Variants in MGMT observed in about 807,000 individuals in gnomAD.
MGMT encodes the protein O-6-methylguanine-DNA methyltransferase.
In MGMT, 14 loss-of-function variants were observed where a neutral mutation model predicts 15.9. That is an observed-to-expected ratio of 0.88 (90% CI 0.58 to 1.37). The LOEUF is 1.37. Among genes scored for constraint, MGMT ranks in the 40% most tolerant of loss-of-function variants. MGMT has a pLI of 0.00. For synonymous variants in MGMT, 130 were observed against 118.2 expected (o/e 1.10, Z -0.65); for missense variants, 282 against 268.1 (o/e 1.05, Z -0.36).
At chr10:129,531,103 G>A (rs1290918406) in intron 1 of MGMT, among the ~76,000 whole-genome samples, 7 of 152,208 alleles carry the variant, frequency 4.6e-5, no homozygotes, top group South Asian at 2.1e-4. Flanking sequence ...CCTTCCCAGC[G>A]TCCCTCCTGG....
intron 2 of MGMT, among the ~76,000 whole-genome samples, chr10:129,665,871 G>T (rs1203515698): frequency 6.6e-6 from 1 of 152,218 alleles, no homozygotes; most frequent in Non-Finnish European, 1.5e-5. Flanking sequence ...CAGGGAAAGT[G>T]TATTGTGGGA....
At chr10:129,724,073 G>A (rs1276365941) in intron 3 of MGMT, among the ~76,000 whole-genome samples, 1 of 152,210 alleles carries the variant, frequency 6.6e-6, no homozygotes, top group Non-Finnish European at 1.5e-5. Flanking sequence ...ATTCAAGAGT[G>A]TTCACAGCAG....
At chr10:129,629,061 C>T (rs1260349449) in intron 2 of MGMT, among the ~76,000 whole-genome samples, 1 of 151,848 alleles carries the variant, frequency 6.6e-6, no homozygotes, top group African/African-American at 2.4e-5. Context: ...GCCCTGCATG[C>T]AGCCTTCCCA....
chr10:129,754,667 A>C (rs986168521), intron 3 of MGMT, among the ~76,000 whole-genome samples: 2 of 152,246 alleles, frequency 1.3e-5, no homozygotes, highest in African/African-American at 4.8e-5. Flanking sequence ...GAGAAGTCCA[A>C]GAGCATGACG....
Position 129,667,928 on chromosome 10 carries a change from C to T in MGMT, c.126-39967C>T, listed in dbSNP as rs986078759. On this transcript the variant is annotated intron_variant, in intron 2 of 4. Transcript: ENST00000651593. ...AAAGTATTTGTACAGGACTTTCACC[C>T]ATTCTCTTATTGTGTTGCCTTATAT... Among the ~76,000 whole-genome samples, 6 of 152,172 alleles carry T rather than the reference C, an allele frequency of 3.9e-5. No individual in the cohort carries two copies. In the South Asian group the frequency reaches 1.0e-3, roughly 26 times the overall value.
chr10:129,493,547 GATAAAT>G (rs1461288348), intron 1 of MGMT, among the ~76,000 whole-genome samples: 2 of 152,138 alleles, frequency 1.3e-5, no homozygotes, highest in African/African-American at 2.4e-5. Flanking sequence ...GCTACCAGAA[GATAAAT>G]ATAGATAAAA....
chr10:129,497,114 G>C (rs111997217), intron 1 of MGMT, among the ~76,000 whole-genome samples: 2,480 of 152,236 alleles, frequency 0.016, 45 homozygotes, highest in Middle Eastern at 0.031. Context: ...TTTATAATGT[G>C]ATATAAAGCT....
chr10:129,537,716 T>G (rs1290265784), intron 2 of MGMT, among the ~76,000 whole-genome samples: 3 of 152,250 alleles, frequency 2.0e-5, no homozygotes, highest in East Asian at 1.9e-4. Flanking sequence ...TTCTACTTTA[T>G]GAACTTTCTG....
intron 2 of MGMT, among the ~76,000 whole-genome samples, chr10:129,687,508 G>T (rs945083734): frequency 4.6e-5 from 7 of 152,166 alleles, no homozygotes; most frequent in Admixed American, 3.9e-4. Context: ...GCTTTTATAG[G>T]AAACTGATGA....
rs911847874 is a variant in MGMT at position 129,680,019 on chromosome 10, G to A, written c.126-27876G>A. Among the ~76,000 whole-genome samples the A allele has an allele frequency of 7.2e-5, 11 of 152,252 alleles. No individual in the cohort carries two copies. In the South Asian group the frequency reaches 1.4e-3, roughly 20 times the overall value. On this transcript the variant is annotated intron_variant, in intron 2 of 4. Transcript: ENST00000651593. ...AGTGTAGAGGCTGGAAAATGTCTTC[G>A]ATTTAGAAAGGAAAGACAGGCGAGT...
rs572832968 is a variant in MGMT at position 129,768,252 on chromosome 10, G to A, written c.*1255G>A. 9.2e-5 allele frequency among the ~76,000 whole-genome samples: 14 copies of A among 152,282 alleles called. No individual in the cohort carries two copies. The highest frequency in any genetic ancestry group is 3.4e-4 in the African/African-American group (14 of 41,552). ...AGAAAACCGATTTCAGACGTTTTTC[G>A]CTGATTTATGATTTATTATATCCCT... On this transcript the variant is annotated 3_prime_UTR_variant, in exon 5 of 5. Coordinates refer to ENST00000651593, the MANE Select transcript of MGMT (RefSeq NM_002412.5).
chr10:129,722,813 C>T (rs1848387566), intron 3 of MGMT, among the ~76,000 whole-genome samples: 1 of 152,044 alleles, frequency 6.6e-6, no homozygotes, highest in African/African-American at 2.4e-5. Flanking sequence ...CAAGACCAGC[C>T]TTGCAAACAT....
chr10:129,721,816 A>AAG (rs1848375087), intron 3 of MGMT, among the ~76,000 whole-genome samples: 2 of 39,294 alleles, frequency 5.1e-5, no homozygotes, highest in Non-Finnish European at 1.2e-4. Context: ...TTCTTTTATT[A>AAG]GAATTAGCAT....
chr10:129,635,943 G>A (rs1847260251), intron 2 of MGMT, among the ~76,000 whole-genome samples: 3 of 152,188 alleles, frequency 2.0e-5, no homozygotes, highest in Admixed American at 1.3e-4. Context: ...GAGTGGATGT[G>A]TGTTCTCTAT....
At chr10:129,586,305 A>G (rs1846617270) in intron 2 of MGMT, among the ~76,000 whole-genome samples, 1 of 152,066 alleles carries the variant, frequency 6.6e-6, no homozygotes, top group Admixed American at 6.6e-5. Context: ...ATCACCCCCA[A>G]AGTTTCCTCT....
chr10:129,684,242 GGA>G (rs2133122558), intron 2 of MGMT, among the ~76,000 whole-genome samples: 1 of 152,340 alleles, frequency 6.6e-6, no homozygotes, highest in Non-Finnish European at 1.5e-5. Flanking sequence ...TTTGTGGGTT[GGA>G]GAGTTTGGGT....
At chr10:129,678,436 C>T (rs61998187) in intron 2 of MGMT, among the ~76,000 whole-genome samples, 13,931 of 152,174 alleles carry the variant, frequency 0.092, 919 homozygotes, top group Admixed American at 0.18. Flanking sequence ...GGCTGGGTGA[C>T]TCCCTGCCGC....
At chr10:129,548,563 G>A (rs529504675) in intron 2 of MGMT, among the ~76,000 whole-genome samples, 2 of 152,304 alleles carry the variant, frequency 1.3e-5, no homozygotes, top group South Asian at 4.1e-4. Flanking sequence ...TCTTCTCTAG[G>A]TAAACAAAAC....
intron 2 of MGMT, among the ~76,000 whole-genome samples, chr10:129,631,855 T>C (rs1847213395): frequency 6.6e-6 from 1 of 152,154 alleles, no homozygotes; most frequent in Non-Finnish European, 1.5e-5. Flanking sequence ...AAAAAATGTA[T>C]ATTTCTATTG....
Sources: allele counts gnomAD v4.1 joint callset (sites outside exome capture counted in the v4.1 genomes callset), GRCh38; gene constraint gnomAD v4.1.1; transcripts MANE v1.5; gene names NCBI Gene and HGNC (gene_info 2026-07-23, HGNC 2026-07-21).